Variants in CSMD1 observed in about 807,000 individuals in gnomAD.
CSMD1 encodes the protein CUB and sushi domain-containing protein 1.
CSMD1 carries 213 observed loss-of-function variants against 417.5 expected under a neutral mutation model. The ratio of observed to expected loss-of-function variants is 0.51; its 90% CI spans 0.46 to 0.57. CSMD1 has a LOEUF of 0.57. CSMD1 is among the 20% of genes least tolerant of loss of function. The pLI, the probability that CSMD1 is intolerant of heterozygous loss-of-function variation, is 0.00. For missense variants in CSMD1, 6,923 were observed against 4,529.7 expected (o/e 1.53, Z -15.17); for synonymous variants, 2,862 against 1,736.8 (o/e 1.65, Z -16.11).
At chr8:4,093,845 C>T (rs1005915561) in intron 3 of CSMD1, among the ~76,000 whole-genome samples, 8 of 151,976 alleles carry the variant, frequency 5.3e-5, no homozygotes, top group African/African-American at 1.7e-4. Context: ...CCTGTAATCC[C>T]AGCAATCGGG....
intron 1 of CSMD1, among the ~76,000 whole-genome samples, chr8:4,983,261 C>T (rs1411321540): frequency 2.6e-5 from 4 of 152,198 alleles, no homozygotes; most frequent in Non-Finnish European, 5.9e-5. Context: ...TTACCAACAC[C>T]TTCCCTAGGT....
intron 5 of CSMD1, among the ~76,000 whole-genome samples, chr8:3,886,258 T>A (rs1272052523): frequency 2.0e-5 from 3 of 152,012 alleles, no homozygotes; most frequent in Admixed American, 2.0e-4. Flanking sequence ...CATGTTGGCC[T>A]GGCTGGTCTC....
At chr8:4,183,925 A>G (rs894255472) in intron 3 of CSMD1, among the ~76,000 whole-genome samples, 9 of 152,118 alleles carry the variant, frequency 5.9e-5, no homozygotes, top group African/African-American at 9.7e-5. Context: ...CTACCACATG[A>G]TAGTCTGGGA....
intron 4 of CSMD1, among the ~76,000 whole-genome samples, chr8:4,011,060 C>G (rs1003754027): frequency 2.0e-5 from 3 of 152,340 alleles, no homozygotes; most frequent in Admixed American, 6.5e-5. Flanking sequence ...CAAATCCTCA[C>G]TGCCACCTGA....
intron 5 of CSMD1, among the ~76,000 whole-genome samples, chr8:3,971,972 T>C (rs1283273590): frequency 6.6e-6 from 1 of 152,010 alleles, no homozygotes; most frequent in African/African-American, 2.4e-5. Context: ...CAGTGGGTGA[T>C]CCTGGCTCAC....
At chr8:3,351,565 T>G (rs1808423331) in intron 21 of CSMD1, among the ~76,000 whole-genome samples, 1 of 147,274 alleles carries the variant, frequency 6.8e-6, no homozygotes, top group Admixed American at 6.9e-5. Flanking sequence ...CAACTACATT[T>G]CAGCCTGGGC....
chr8:4,612,625 AG>A (rs1371063057), intron 2 of CSMD1, among the ~76,000 whole-genome samples: 28 of 152,302 alleles, frequency 1.8e-4, no homozygotes, highest in African/African-American at 6.7e-4. Context: ...GACAAGGGTA[AG>A]GCCACTCAGG....
intron 5 of CSMD1, among the ~76,000 whole-genome samples, chr8:3,767,663 G>A (rs1204776094): frequency 6.6e-6 from 1 of 152,018 alleles, no homozygotes; most frequent in African/African-American, 2.4e-5. Context: ...ATGATATATG[G>A]TATACAAGTA....
intron 5 of CSMD1, among the ~76,000 whole-genome samples, chr8:3,795,494 CATAG>C (rs1254641078): frequency 4.5e-4 from 1 of 2,240 alleles, no homozygotes; most frequent in Non-Finnish European, 7.4e-4. Context: ...ATATATCTAT[CATAG>C]ATATAGATAT....
intron 37 of CSMD1, among the ~76,000 whole-genome samples, chr8:3,178,051 T>G (rs1360733481): frequency 6.6e-6 from 1 of 152,228 alleles, no homozygotes; most frequent in Non-Finnish European, 1.5e-5. Context: ...TTTGAGCTTT[T>G]ACTTGGATTC....
intron 1 of CSMD1, among the ~76,000 whole-genome samples, chr8:4,838,669 G>A (rs1176304612): frequency 2.0e-5 from 3 of 152,320 alleles, no homozygotes; most frequent in East Asian, 3.9e-4. Flanking sequence ...GGTGGGATGA[G>A]AAGCATTTAT....
chr8:3,904,070 T>C (rs957280638), intron 5 of CSMD1, among the ~76,000 whole-genome samples: 5 of 152,184 alleles, frequency 3.3e-5, no homozygotes, highest in South Asian at 4.1e-4. Context: ...AGGTGTGATA[T>C]CTTCAGTCAA....
At chr8:3,791,355 G>C (rs1054775049) in intron 5 of CSMD1, among the ~76,000 whole-genome samples, 10 of 152,120 alleles carry the variant, frequency 6.6e-5, no homozygotes, top group Non-Finnish European at 8.8e-5. Context: ...GAAACAATGT[G>C]AAAAAATAAA....
At chr8:4,247,575 C>T (rs1362016228) in intron 3 of CSMD1, among the ~76,000 whole-genome samples, 2 of 152,120 alleles carry the variant, frequency 1.3e-5, no homozygotes, top group Non-Finnish European at 2.9e-5. Flanking sequence ...ATAATACCAC[C>T]ATTCTTGTTA....
At chr8:3,601,057 C>T (rs927624233) in intron 8 of CSMD1, among the ~76,000 whole-genome samples, 12 of 152,106 alleles carry the variant, frequency 7.9e-5, no homozygotes, top group African/African-American at 2.7e-4. Flanking sequence ...CGCATGATAT[C>T]GTGGCAGCAA....
At chr8:3,028,052 G>C (rs528240104) in intron 51 of CSMD1, among the ~76,000 whole-genome samples, 56 of 152,336 alleles carry the variant, frequency 3.7e-4, no homozygotes, top group Admixed American at 1.3e-4. Context: ...CCGTAGGTGG[G>C]CATCCCTGGG....
At chr8:3,270,833 T>G (rs990949048) in intron 26 of CSMD1, among the ~76,000 whole-genome samples, 8 of 152,210 alleles carry the variant, frequency 5.3e-5, no homozygotes, top group Non-Finnish European at 1.2e-4. Context: ...GAGTTTTAAT[T>G]GACTCACAGT....
intron 12 of CSMD1, among the ~76,000 whole-genome samples, chr8:3,442,838 T>G (rs1170685083): frequency 6.6e-6 from 1 of 152,164 alleles, no homozygotes. Context: ...AGATTTTTTT[T>G]TTGTTATGTC....
rs768343391 is a variant in CSMD1, at chr8:3,399,498, G to C, written c.2298C>G (p.Ser766Arg). 6.2e-7 allele frequency: 1 copy of C among 1,604,530 alleles called. No individual in the cohort carries two copies. Among genetic ancestry groups the C allele is most frequent in the Middle Eastern group, 1.7e-4 (1 of 6,038 alleles). ...APCGGHLTASSGVILPPGWPG... is the reference protein window; with the variant it reads ...APCGGHLTASRGVILPPGWPG... ...GCCATCCAGGAGGCAAAATGACTCC[G>C]CTGGACGCTGTCAGATGTCCACCAC... is the stretch of plus-strand genomic sequence containing the variant. Residue 766 changes from serine to arginine, a missense_variant, in exon 16 of 70, where the codon AGC becomes AGG. Ser to Arg is a moderately radical substitution (Grantham distance 110). Transcript: ENST00000635120.
Sources: allele counts gnomAD v4.1 joint callset (sites outside exome capture counted in the v4.1 genomes callset), GRCh38; gene constraint gnomAD v4.1.1; transcripts MANE v1.5; gene names NCBI Gene and HGNC (gene_info 2026-07-23, HGNC 2026-07-21).